The following CELF4 variants were observed in gnomAD, a reference collection of about 807,000 sequenced individuals.
CELF4 encodes CUGBP Elav-like family member 4, also known as CUG-BP- and ETR-3-like factor 4.
Under a neutral mutation model 59.9 loss-of-function variants are expected in CELF4, and 18 were observed. The ratio of observed to expected loss-of-function variants is 0.30; its 90% CI spans 0.21 to 0.45. The LOEUF is 0.45. Among genes scored for constraint, CELF4 ranks in the 20% least tolerant of loss-of-function variants. CELF4 has a pLI of 1.00. For missense variants in CELF4, 456 were observed against 689.0 expected (o/e 0.66, Z 3.79); for synonymous variants, 261 against 267.1 (o/e 0.98, Z 0.22).
At chr18:37,469,240 G>A (rs1031024001) in intron 2 of CELF4, among the ~76,000 whole-genome samples, 7 of 152,032 alleles carry the variant, frequency 4.6e-5, no homozygotes, top group Non-Finnish European at 1.0e-4. Context: ...GTGTCATGAC[G>A]GCAGGGGCAT....
chr18:37,346,851 C>T (rs1449937186), intron 2 of CELF4, among the ~76,000 whole-genome samples: 1 of 152,114 alleles, frequency 6.6e-6, no homozygotes, highest in Admixed American at 6.6e-5. Flanking sequence ...ATGAGGAAGT[C>T]AGCGGCCCCA....
chr18:37,293,535 C>A (rs143765293), intron 3 of CELF4, among the ~76,000 whole-genome samples: 2 of 152,132 alleles, frequency 1.3e-5, no homozygotes, highest in East Asian at 3.9e-4. Flanking sequence ...TTGCAAATAC[C>A]CTATTTCCAA....
intron 1 of CELF4, among the ~76,000 whole-genome samples, chr18:37,486,456 T>G (rs912112204): frequency 6.6e-6 from 1 of 152,214 alleles, no homozygotes; most frequent in Admixed American, 6.5e-5. Flanking sequence ...GGGTGACTTT[T>G]CAGTGCTGTC....
intron 1 of CELF4, among the ~76,000 whole-genome samples, chr18:37,533,121 C>T (rs1029929741): frequency 6.6e-6 from 1 of 152,268 alleles, no homozygotes; most frequent in Admixed American, 6.5e-5. Flanking sequence ...AGATACCATG[C>T]CCTTGAGTTT....
chr18:37,492,393 T>G (rs910300394), intron 1 of CELF4, among the ~76,000 whole-genome samples: 13 of 152,108 alleles, frequency 8.5e-5, no homozygotes, highest in African/African-American at 3.1e-4. Context: ...TTAAAAAACA[T>G]GCAGGCCACT....
chr18:37,287,931 G>T (rs2094959711), intron 3 of CELF4, among the ~76,000 whole-genome samples: 1 of 152,218 alleles, frequency 6.6e-6, no homozygotes, highest in South Asian at 2.1e-4. Flanking sequence ...GGATGGATGG[G>T]TGGCCAGGAT....
intron 2 of CELF4, among the ~76,000 whole-genome samples, chr18:37,422,493 A>G (rs2099584237): frequency 6.6e-6 from 1 of 152,180 alleles, no homozygotes; most frequent in Non-Finnish European, 1.5e-5. Context: ...CAGCCCTGCA[A>G]GTGTCAGGAA....
Position 37,275,182 on chromosome 18 carries a change from G to A in CELF4, c.510C>T (p.Arg170=), listed in dbSNP as rs775809935. Residue 170 remains arginine, a synonymous_variant, in exon 4 of 13, where the codon CGC becomes CGT. Transcript: ENST00000420428. ...NKQQSEDDVR[R]LFEAFGNIEE... ...CGATGTTCCCAAAGGCCTCGAAAAG[G>A]CGGCGCACGTCGTCCTCGGACTGTT... The A allele has an allele frequency of 1.3e-5, 21 of 1,613,696 alleles. 1 individual carries two copies. In the South Asian group the frequency reaches 2.3e-4, roughly 18 times the overall value.
chr18:37,338,981 C>T (rs943467733), intron 2 of CELF4, among the ~76,000 whole-genome samples: 3 of 152,200 alleles, frequency 2.0e-5, no homozygotes, highest in Non-Finnish European at 2.9e-5. Flanking sequence ...CAATGGCCAT[C>T]GTTTGGGTCT....
At chr18:37,475,307 C>A (rs1391295687) in intron 2 of CELF4, among the ~76,000 whole-genome samples, 1 of 152,188 alleles carries the variant, frequency 6.6e-6, no homozygotes, top group Admixed American at 6.5e-5. Flanking sequence ...CTTGTGCCCA[C>A]GAATCTCCTA....
chr18:37,550,416 C>T (rs1037582374), intron 1 of CELF4, among the ~76,000 whole-genome samples: 13 of 152,174 alleles, frequency 8.5e-5, no homozygotes, highest in African/African-American at 3.1e-4. Context: ...GTGGTCTCTG[C>T]CTGCCTCTCC....
At chr18:37,545,987 C>T (rs142470003) in intron 1 of CELF4, among the ~76,000 whole-genome samples, 1 of 152,326 alleles carries the variant, frequency 6.6e-6, no homozygotes, top group Non-Finnish European at 1.5e-5. Flanking sequence ...CACAACCACA[C>T]GTGTGTGGAG....
At chr18:37,531,781 A>G (rs16969036) in intron 1 of CELF4, among the ~76,000 whole-genome samples, 1,927 of 152,232 alleles carry the variant, frequency 0.013, 39 homozygotes, top group African/African-American at 0.043. Flanking sequence ...GCAGCTGAGC[A>G]TGAGGGGACC....
chr18:37,423,091 G>GAC (rs1255126959), intron 2 of CELF4, among the ~76,000 whole-genome samples: 29 of 150,730 alleles, frequency 1.9e-4, no homozygotes, highest in Non-Finnish European at 2.8e-4. Context: ...CAGAGACAGA[G>GAC]AGAGAGAGAG....
chr18:37,363,513 C>A (rs2098736712), intron 2 of CELF4, among the ~76,000 whole-genome samples: 1 of 152,158 alleles, frequency 6.6e-6, no homozygotes. Context: ...AATCGGGACA[C>A]AATGAGGGGT....
At chr18:37,412,235 C>T (rs543463426) in intron 2 of CELF4, among the ~76,000 whole-genome samples, 10 of 152,302 alleles carry the variant, frequency 6.6e-5, no homozygotes, top group Admixed American at 1.3e-4. Flanking sequence ...AGCCCAGAGA[C>T]GGAGACTGCT....
intron 2 of CELF4, among the ~76,000 whole-genome samples, chr18:37,374,866 A>T (rs1465116376): frequency 6.6e-6 from 1 of 152,004 alleles, no homozygotes; most frequent in Non-Finnish European, 1.5e-5. Flanking sequence ...AATCCTCTAA[A>T]TGGTGGGAGG....
At chr18:37,343,392 AG>A (rs1380380222) in intron 2 of CELF4, among the ~76,000 whole-genome samples, 3 of 125,218 alleles carry the variant, frequency 2.4e-5, no homozygotes, top group Non-Finnish European at 5.0e-5. Flanking sequence ...CGGGGTGGGG[AG>A]GGGGATGCCA....
chr18:37,371,834 G>T (rs1237854632), intron 2 of CELF4, among the ~76,000 whole-genome samples: 1 of 152,184 alleles, frequency 6.6e-6, no homozygotes, highest in Non-Finnish European at 1.5e-5. Context: ...CTGACTCAGG[G>T]GCCCAGGAAG....
Sources: allele counts gnomAD v4.1 joint callset (sites outside exome capture counted in the v4.1 genomes callset), GRCh38; gene constraint gnomAD v4.1.1; transcripts MANE v1.5; gene names NCBI Gene and HGNC (gene_info 2026-07-23, HGNC 2026-07-21).